TP53I13: variants seen among roughly 807,000 people sequenced by gnomAD.
TP53I13 encodes tumor protein p53 inducible protein 13.
Under a neutral mutation model 39.1 loss-of-function variants are expected in TP53I13, and 27 were observed. The ratio of observed to expected loss-of-function variants is 0.69; its 90% CI spans 0.51 to 0.95. The LOEUF (loss-of-function observed/expected upper bound fraction) is 0.95, where lower values mean the gene tolerates loss of function less well. Ranked by LOEUF, TP53I13 falls within the 40% of genes least tolerant of loss-of-function variation. The pLI, the probability that TP53I13 is intolerant of heterozygous loss-of-function variation, is 0.00. For synonymous variants in TP53I13, 230 were observed against 224.6 expected (o/e 1.02, Z -0.22); for missense variants, 544 against 520.4 (o/e 1.05, Z -0.44).
the TP53I13 span, chr17:29,582,121 T>C: frequency 6.3e-7 from 1 of 1,589,572 alleles, no homozygotes; most frequent in African/African-American, 1.3e-5. Context: ...CCAGGTTGCC[T>C]GTCCGCACGC....
the TP53I13 span, chr17:29,578,682 CAG>C: frequency 6.0e-6 from 9 of 1,504,538 alleles, no homozygotes; most frequent in East Asian, 2.3e-5. Flanking sequence ...GGTGGGGGAT[CAG>C]AGAGGGGCCA....
downstream of TP53I13, chr17:29,574,454 G>A (rs1808572491): frequency 1.8e-6 from 1 of 549,882 alleles, no homozygotes; most frequent in Admixed American, 3.2e-5. Flanking sequence ...CTCACTAGGA[G>A]GGGGGAGATG....
At chr17:29,580,271 T>C in the TP53I13 span, among the ~76,000 whole-genome samples, 5 of 152,204 alleles carry the variant, frequency 3.3e-5, no homozygotes, top group Admixed American at 1.3e-4. Flanking sequence ...GTATTTACCA[T>C]ACACATGCAC....
chr17:29,571,816 C>T (rs767221547), intron 4 of TP53I13, 41 bp from the exon 5 acceptor site: 2 of 1,612,688 alleles, frequency 1.2e-6, no homozygotes, highest in Middle Eastern at 1.7e-4. Flanking sequence ...CTTGTTTGTC[C>T]CCACCTTCCT....
intron 3 of TP53I13, chr17:29,569,946 C>G (rs1432060707): frequency 1.5e-4 from 23 of 151,996 alleles, no homozygotes; most frequent in Admixed American, 1.4e-3. Context: ...GAAATGGAAT[C>G]TCACTCTGTT....
At chr17:29,566,502 GC>G, upstream of TP53I13, 2 of 1,611,308 alleles carry the variant, frequency 1.2e-6, no homozygotes. Context: ...CCGCAGGAAG[GC>G]CCCCGGCGCT....
In TP53I13 at chr17:29,568,746, G is replaced by T. The variant is rs746010370; in HGVS notation, c.-13G>T. 1.3e-6 allele frequency: 2 copies of T among 1,557,792 alleles called. No individual in the cohort carries two copies. The highest frequency in any genetic ancestry group is 2.8e-5 in the African/African-American group (2 of 71,240). The stretch of plus-strand genomic sequence containing the variant: ...AGCGGCTGGGCGGCGGGCCGGGCCC[G>T]GGGCCGCTTGGAATGGCGCCTCCTC... On this transcript the variant is annotated 5_prime_UTR_variant, in exon 1 of 7. Transcript: ENST00000301057. This position sits in a 1 kb window ranked among gnomAD's most constrained non-coding sequence, Gnocchi z 4.5.
At chr17:29,566,501 G>C, upstream of TP53I13, 1 of 1,611,522 alleles carries the variant, frequency 6.2e-7, no homozygotes, top group Non-Finnish European at 8.5e-7. Flanking sequence ...ACCGCAGGAA[G>C]GCCCCCGGCG....
chr17:29,571,607 T>C lies in TP53I13; in HGVS notation c.200T>C (p.Phe67Ser), dbSNP rs1302371217. The C allele has an allele frequency of 6.2e-7, 1 of 1,613,960 alleles. No homozygotes were observed. The stretch of plus-strand genomic sequence containing the variant: ...TTCCTCCAGGCTGAGGATGTCACCT[T>C]CCTCTACCACCCCTGTGCCCATCCC... ...VSPGQAEDVTFLYHPCAHPWL... is the reference protein window; with the variant it reads ...VSPGQAEDVTSLYHPCAHPWL... The change falls in exon 4 of 7, where the codon TTC (phenylalanine) becomes TCC (serine). Residue 67 changes from phenylalanine to serine, a missense_variant. Phe to Ser is a radical substitution (Grantham distance 155). Coordinates refer to ENST00000301057, the MANE Select transcript of TP53I13 (RefSeq NM_138349.4).
At chr17:29,580,199 C>T in the TP53I13 span, among the ~76,000 whole-genome samples, 3 of 152,222 alleles carry the variant, frequency 2.0e-5, no homozygotes, top group Non-Finnish European at 4.4e-5. Context: ...GTGCCAAGAG[C>T]AGTAGCTGGC....
Position 29,568,712 on chromosome 17 carries a change from C to A in TP53I13, c.-47C>A. 1 of 1,305,238 alleles carries A rather than the reference C, an allele frequency of 7.7e-7. No homozygotes were observed. Among genetic ancestry groups the A allele is most frequent in the Non-Finnish European group, 9.8e-7 (1 of 1,024,076 alleles). The allele number at this position is 1,305,238 out of a possible 1,614,324, so 80.9% of individuals were successfully genotyped here. On this transcript the variant is annotated 5_prime_UTR_variant, in exon 1 of 7. Coordinates refer to ENST00000301057, the MANE Select transcript of TP53I13 (RefSeq NM_138349.4). The surrounding 1 kb of genome is among the most constrained non-coding windows in gnomAD (Gnocchi z 4.5). The stretch of plus-strand genomic sequence containing the variant: ...GAGGGGCGGGGCGCGCGCGCTCCCT[C>A]GCTGGCGGAGCGGCTGGGCGGCGGG...
At chr17:29,569,419 G>C in intron 3 of TP53I13, 60 bp downstream of exon 3, 1 of 1,550,948 alleles carries the variant, frequency 6.4e-7, no homozygotes, top group South Asian at 1.1e-5. Context: ...GGCGCTCCTA[G>C]CAGGCTTCGC....
chr17:29,577,349 AC>A, downstream of TP53I13: 1 of 921,158 alleles, frequency 1.1e-6, no homozygotes, highest in Non-Finnish European at 1.7e-6. Context: ...ATTTAATTTA[AC>A]CCCAGCTAAA....
At chr17:29,568,460 G>C (rs1291789954), upstream of TP53I13, 1 of 152,696 alleles carries the variant, frequency 6.5e-6, no homozygotes, top group Admixed American at 6.5e-5. The surrounding 1 kb of genome is among the most constrained non-coding windows in gnomAD (Gnocchi z 4.5). Flanking sequence ...ATCCCCGGAC[G>C]AGGAAAGGGG....
intron 3 of TP53I13, chr17:29,571,294 G>A (rs767735902): frequency 4.8e-5 from 19 of 398,556 alleles, no homozygotes; most frequent in Middle Eastern, 7.1e-4. Context: ...TAGAGCCATC[G>A]TTACACCTGC....
the TP53I13 span, chr17:29,582,039 G>C: frequency 6.2e-7 from 1 of 1,611,760 alleles, no homozygotes; most frequent in Non-Finnish European, 8.5e-7. Flanking sequence ...GCCACGTGCA[G>C]AGGTGTGGTG....
the TP53I13 span, among the ~76,000 whole-genome samples, chr17:29,578,568 CT>C: frequency 2.0e-5 from 3 of 152,248 alleles, no homozygotes; most frequent in South Asian, 6.2e-4. Flanking sequence ...AGTCCATCCC[CT>C]TGTAGGGAGG....
At chr17:29,575,026 C>T (rs776409785), downstream of TP53I13, 1 of 1,497,606 alleles carries the variant, frequency 6.7e-7, no homozygotes, top group Admixed American at 1.9e-5. This position sits in a 1 kb window ranked among gnomAD's most constrained non-coding sequence, Gnocchi z 5.5. Flanking sequence ...ATTCTCCACG[C>T]CTGCCCCAGC....
At chr17:29,570,587 A>G (rs926423937) in intron 3 of TP53I13, 1 of 151,992 alleles carries the variant, frequency 6.6e-6, no homozygotes, top group Admixed American at 6.5e-5. Context: ...TTCCTCAAAC[A>G]GCCCTTTCAT....
Sources: gnomAD v4.1 joint callset for allele counts (sites outside exome capture counted in the v4.1 genomes callset) on GRCh38, gnomAD v4.1.1 for gene constraint, Gnocchi (gnomAD v3.1) non-coding constraint, MANE v1.5 for transcripts, NCBI Gene and HGNC (gene_info 2026-07-23, HGNC 2026-07-21) for gene names.